Variants in LEKR1 observed in about 807,000 individuals in gnomAD.
LEKR1 encodes protein LEKR1.
LEKR1 carries 59 observed loss-of-function variants against 72.4 expected under a neutral mutation model. The observed-to-expected ratio is 0.82, with a 90% CI of 0.66 to 1.01. LEKR1 has a LOEUF of 1.01. LEKR1 is among the 50% of genes least tolerant of loss of function. The pLI is 0.00. For synonymous variants in LEKR1, 257 were observed against 263.2 expected (o/e 0.98, Z 0.23); for missense variants, 728 against 759.2 (o/e 0.96, Z 0.48).
intron 6 of LEKR1, 75 bp downstream of exon 6, chr3:156,942,789 T>G: frequency 1.6e-6 from 1 of 620,810 alleles, no homozygotes; most frequent in Non-Finnish European, 2.4e-6. Context: ...TTTTTACTTA[T>G]AATTACAACA....
chr3:156,928,998 T>C (rs1724970991), intron 5 of LEKR1, among the ~76,000 whole-genome samples: 1 of 152,054 alleles, frequency 6.6e-6, no homozygotes, highest in South Asian at 2.1e-4. Flanking sequence ...GATGATATAA[T>C]TAGCTAACCA....
At chr3:156,976,362 G>T (rs1399812136) in intron 6 of LEKR1, among the ~76,000 whole-genome samples, 4 of 151,876 alleles carry the variant, frequency 2.6e-5, no homozygotes, top group African/African-American at 4.8e-5. Context: ...TATCATATGG[G>T]CTCAGACCTA....
intron 3 of LEKR1, among the ~76,000 whole-genome samples, chr3:156,860,066 C>G (rs1034542041): frequency 6.6e-6 from 1 of 152,104 alleles, no homozygotes; most frequent in Non-Finnish European, 1.5e-5. Flanking sequence ...GGCCATCTGC[C>G]TTCTTTCCAC....
rs771779259 is a variant in LEKR1 at position 156,852,956 on chromosome 3, A to C, written c.237A>C (p.Lys79Asn). 6.5e-7 allele frequency: 1 copy of C among 1,535,346 alleles called. No homozygotes were observed. The highest frequency in any genetic ancestry group is 1.2e-5 in the South Asian group (1 of 83,860). Residue 79 changes from lysine to asparagine, a missense_variant, in exon 3 of 13, where the codon AAA becomes AAC. Lys to Asn is a moderately conservative substitution (Grantham distance 94). Transcript: ENST00000356539. ...TTAGCCAAGAACTTGAACAGTACAA[A>C]ATTGACAACAAATCCAAAACAGAAA... Reference protein sequence around the residue: ...HSLSQELEQYKIDNKSKTERI... With the variant: ...HSLSQELEQYNIDNKSKTERI...
chr3:156,955,499 A>G lies in LEKR1; in HGVS notation c.745+12785A>G, dbSNP rs111559205. ...TGTGGGTTTGTCATATATGGCTCTT[A>G]TTATTTTGAAGTATGTTCCCTTAAT... On this transcript the variant is annotated intron_variant, in intron 6 of 12. Transcript: ENST00000356539. 1.1e-4 allele frequency among the ~76,000 whole-genome samples: 16 copies of G among 152,090 alleles called. No individual in the cohort carries two copies. The East Asian group carries it at 3.1e-3, about 29-fold the overall frequency.
intron 3 of LEKR1, among the ~76,000 whole-genome samples, chr3:156,884,570 G>A (rs1319676683): frequency 2.0e-5 from 3 of 152,154 alleles, no homozygotes; most frequent in African/African-American, 4.8e-5. Flanking sequence ...GTTCTTGGCT[G>A]ACAATTATTT....
chr3:157,023,404 G>A (rs1484044628), intron 10 of LEKR1, among the ~76,000 whole-genome samples: 1 of 152,162 alleles, frequency 6.6e-6, no homozygotes, highest in Non-Finnish European at 1.5e-5. Context: ...AGGAAAAACT[G>A]CCTAATGCTT....
intron 3 of LEKR1, among the ~76,000 whole-genome samples, chr3:156,879,445 G>T (rs1029696235): frequency 6.6e-6 from 1 of 152,160 alleles, no homozygotes; most frequent in Non-Finnish European, 1.5e-5. Context: ...GGTTACTTGG[G>T]TGCTGTTAAA....
At chr3:157,031,153 G>C (rs1252937842) in intron 12 of LEKR1, among the ~76,000 whole-genome samples, 2 of 152,138 alleles carry the variant, frequency 1.3e-5, no homozygotes, top group South Asian at 2.1e-4. Context: ...TTTGGCAAGA[G>C]AAAATAGACT....
intron 3 of LEKR1, among the ~76,000 whole-genome samples, chr3:156,909,949 T>C (rs1722946098): frequency 1.3e-5 from 2 of 152,126 alleles, no homozygotes; most frequent in African/African-American, 2.4e-5. Context: ...GACTATACTT[T>C]TATAGCTCTT....
intron 5 of LEKR1, among the ~76,000 whole-genome samples, chr3:156,929,652 A>T (rs921951593): frequency 6.6e-6 from 1 of 152,052 alleles, no homozygotes; most frequent in Non-Finnish European, 1.5e-5. Context: ...ATAATATGTT[A>T]CCAGAAGAGT....
intron 2 of LEKR1, among the ~76,000 whole-genome samples, chr3:156,843,539 G>C (rs1470945258): frequency 6.6e-6 from 1 of 152,132 alleles, no homozygotes; most frequent in East Asian, 1.9e-4. Flanking sequence ...GGGCTAGAGA[G>C]CGCACTGTTC....
chr3:156,876,009 A>AAT (rs1176487662), intron 3 of LEKR1, among the ~76,000 whole-genome samples: 1 of 151,484 alleles, frequency 6.6e-6, no homozygotes, highest in Non-Finnish European at 1.5e-5. Context: ...AAAAAAAAAA[A>AAT]AAAAAAAGAA....
intron 3 of LEKR1, among the ~76,000 whole-genome samples, chr3:156,854,317 GA>G: frequency 6.7e-6 from 1 of 149,084 alleles, no homozygotes; most frequent in East Asian, 2.0e-4. Context: ...CTAATTTTTT[GA>G]TATTTTTAGT....
chr3:156,874,406 A>C (rs1488601111), intron 3 of LEKR1, among the ~76,000 whole-genome samples: 1 of 152,086 alleles, frequency 6.6e-6, no homozygotes, highest in Non-Finnish European at 1.5e-5. Context: ...TTTTTCATAT[A>C]CTACCTCTGA....
At chr3:157,012,442 A>G (rs1732966853) in intron 10 of LEKR1, among the ~76,000 whole-genome samples, 1 of 152,138 alleles carries the variant, frequency 6.6e-6, no homozygotes, top group African/African-American at 2.4e-5. Flanking sequence ...ATAACTTGTA[A>G]CCTCAGCAAC....
At chr3:157,037,472 G>A (rs1196394576) in intron 12 of LEKR1, among the ~76,000 whole-genome samples, 3 of 152,128 alleles carry the variant, frequency 2.0e-5, no homozygotes, top group Non-Finnish European at 4.4e-5. Context: ...TAAAACAAAA[G>A]CAACAGAATA....
At chr3:156,905,591 A>G (rs750972319) in intron 3 of LEKR1, among the ~76,000 whole-genome samples, 6 of 152,158 alleles carry the variant, frequency 3.9e-5, no homozygotes, top group African/African-American at 7.2e-5. Flanking sequence ...GAATGGGTAC[A>G]GTGATTTAGT....
At position 156,978,308 on chromosome 3, in the gene LEKR1, T is replaced by TAATAG. The variant is rs1729884196; in HGVS notation, c.746-886_746-885insAATAG. Among the ~76,000 whole-genome samples, 3 of 152,302 alleles carry TAATAG rather than the reference T, an allele frequency of 2.0e-5. No individual in the cohort carries two copies. In the South Asian group the frequency reaches 6.2e-4, roughly 32 times the overall value. On this transcript the variant is annotated intron_variant, in intron 6 of 12. Coordinates refer to ENST00000356539, the MANE Select transcript of LEKR1 (RefSeq NM_001004316.3). ...TGTATTTATATGGATGCATAAAGAT[T>TAATAG]TTAAAGTTTACTATTAAAATATGTC...
Sources: gnomAD v4.1 joint callset for allele counts (sites outside exome capture counted in the v4.1 genomes callset) on GRCh38, gnomAD v4.1.1 for gene constraint, MANE v1.5 for transcripts, NCBI Gene and HGNC (gene_info 2026-07-23, HGNC 2026-07-21) for gene names.